Variants in TENM3 observed in about 807,000 individuals in gnomAD.
TENM3 encodes teneurin transmembrane protein 3, also known as teneurin-3.
TENM3 carries 63 observed loss-of-function variants against 255.1 expected under a neutral mutation model. That is an observed-to-expected ratio of 0.25 (90% confidence interval 0.20 to 0.30). The LOEUF is 0.30. Among genes scored for constraint, TENM3 ranks in the 10% least tolerant of loss-of-function variants. The probability of loss-of-function intolerance (pLI) is 1.00; values close to 1 mark genes in which losing one functional copy is unlikely to be tolerated. For synonymous variants in TENM3, 1,306 were observed against 1,322.3 expected (o/e 0.99, Z 0.27); for missense variants, 2,929 against 3,461.1 (o/e 0.85, Z 3.86).
the TENM3 span, among the ~76,000 whole-genome samples, chr4:182,036,008 C>A: frequency 1.3e-5 from 2 of 152,074 alleles, no homozygotes; most frequent in Non-Finnish European, 2.9e-5. Context: ...GCTCTCCCTT[C>A]CTTCTGGAAG....
At chr4:181,616,170 T>C in the TENM3 span, among the ~76,000 whole-genome samples, 4 of 151,166 alleles carry the variant, frequency 2.6e-5, no homozygotes, top group African/African-American at 4.9e-5. Context: ...TGTTAATTTG[T>C]ATTAAAATGA....
rs564002368 is a variant in TENM3, at chr4:182,790,970, TCCCAAAA to T, written c.5602-1299_5602-1293del. 4.3e-4 allele frequency among the ~76,000 whole-genome samples: 66 copies of T among 152,210 alleles called. No individual in the cohort carries two copies. The South Asian group carries it at 0.014, about 32-fold the overall frequency. On this transcript the variant is annotated intron_variant, in intron 25 of 27. Transcript: ENST00000511685. The stretch of plus-strand genomic sequence containing the variant: ...ACAGACAGATCTTTCTCATCGTCTC[TCCCAAAA>T]CCCATCAAATCCACCCAGACTATTT...
At chr4:181,845,483 G>A in the TENM3 span, among the ~76,000 whole-genome samples, 1 of 152,052 alleles carries the variant, frequency 6.6e-6, no homozygotes, top group Non-Finnish European at 1.5e-5. Flanking sequence ...GGATGGGGAA[G>A]GAAATATATA....
intron 3 of TENM3, among the ~76,000 whole-genome samples, chr4:182,567,744 A>G (rs904845229): frequency 1.4e-5 from 2 of 140,874 alleles, no homozygotes; most frequent in African/African-American, 5.3e-5. Flanking sequence ...ACCCTACTCT[A>G]TTTTTTTTTT....
chr4:182,485,103 G>T (rs1734573540), intron 3 of TENM3, among the ~76,000 whole-genome samples: 1 of 151,974 alleles, frequency 6.6e-6, no homozygotes, highest in Non-Finnish European at 1.5e-5. Flanking sequence ...TTCCTTGCAG[G>T]CACTGAAAAA....
At chr4:181,451,554 T>C in the TENM3 span, among the ~76,000 whole-genome samples, 3 of 151,952 alleles carry the variant, frequency 2.0e-5, no homozygotes, top group Admixed American at 1.3e-4. Flanking sequence ...TTTACACCAG[T>C]TGAGGAAGAA....
the TENM3 span, among the ~76,000 whole-genome samples, chr4:182,125,138 A>G: frequency 2.3e-5 from 2 of 87,056 alleles, no homozygotes; most frequent in Non-Finnish European, 4.9e-5. Context: ...CCCTGCTGGG[A>G]TGGTGAATCT....
intron 3 of TENM3, among the ~76,000 whole-genome samples, chr4:182,439,809 C>T (rs1433028073): frequency 6.6e-6 from 1 of 152,138 alleles, no homozygotes; most frequent in Non-Finnish European, 1.5e-5. Context: ...TAACCATCAC[C>T]CACACCATTC....
the TENM3 span, among the ~76,000 whole-genome samples, chr4:181,546,728 AAGAAG>A: frequency 9.4e-5 from 5 of 53,032 alleles, 1 homozygote; most frequent in African/African-American, 8.3e-5. Flanking sequence ...AAAAAAAAAA[AAGAAG>A]AAGAAGAAGA....
chr4:182,553,124 G>C lies in TENM3; in HGVS notation c.512-47800G>C, dbSNP rs771104867. 7.9e-5 allele frequency among the ~76,000 whole-genome samples: 12 copies of C among 151,984 alleles called. 1 individual carries two copies. Among genetic ancestry groups the C allele is most frequent in the Non-Finnish European group, 1.6e-4 (11 of 68,000 alleles). On this transcript the variant is annotated intron_variant, in intron 3 of 27. Transcript: ENST00000511685. ...TTTTTAGACAGGGTCTCACTGTGTTGCCCAGGCCGTGGTGCAAGGGCTATT... is the reference window on the plus strand; with the variant it reads ...TTTTTAGACAGGGTCTCACTGTGTTCCCCAGGCCGTGGTGCAAGGGCTATT...
the TENM3 span, among the ~76,000 whole-genome samples, chr4:181,605,602 AAAGAAAGAAAGAAAAG>A: frequency 2.4e-5 from 3 of 125,770 alleles, no homozygotes; most frequent in East Asian, 2.3e-4. Flanking sequence ...AGAAAGAAAG[AAAGAAAGAAAGAAAAG>A]AAAGAACAAG....
the TENM3 span, among the ~76,000 whole-genome samples, chr4:182,034,904 G>T: frequency 5.5e-3 from 833 of 152,118 alleles, 9 homozygotes; most frequent in African/African-American, 0.019. Context: ...GGATTCTCTG[G>T]ATTTCCTGAG....
chr4:181,535,136 G>A, the TENM3 span, among the ~76,000 whole-genome samples: 7 of 152,188 alleles, frequency 4.6e-5, no homozygotes, highest in South Asian at 2.1e-4. Context: ...TCACAGTCCC[G>A]GGATGTCCCC....
At chr4:181,617,832 A>G in the TENM3 span, among the ~76,000 whole-genome samples, 10,134 of 152,300 alleles carry the variant, frequency 0.067, 456 homozygotes, top group East Asian at 0.14. Context: ...AGTAAAGCCA[A>G]CACCACTATT....
the TENM3 span, among the ~76,000 whole-genome samples, chr4:181,490,775 A>T: frequency 2.6e-5 from 4 of 152,126 alleles, no homozygotes; most frequent in Non-Finnish European, 5.9e-5. Context: ...TTATTTTTTA[A>T]AATGAGAATC....
the TENM3 span, among the ~76,000 whole-genome samples, chr4:181,780,089 A>G: frequency 7.2e-5 from 11 of 152,330 alleles, no homozygotes; most frequent in African/African-American, 2.6e-4. Flanking sequence ...TAGTGCTGCA[A>G]TGAACATACA....
the TENM3 span, among the ~76,000 whole-genome samples, chr4:181,858,603 G>T: frequency 1.3e-5 from 2 of 152,206 alleles, no homozygotes; most frequent in African/African-American, 4.8e-5. Flanking sequence ...TGCGTTTGCA[G>T]AACAGGTAAT....
intron 1 of TENM3, among the ~76,000 whole-genome samples, chr4:182,210,527 G>A (rs1406848311): frequency 6.7e-6 from 1 of 150,262 alleles, no homozygotes; most frequent in East Asian, 1.9e-4. Flanking sequence ...TTATAATCAT[G>A]TCTCTTGGGG....
intron 5 of TENM3, among the ~76,000 whole-genome samples, chr4:182,636,940 G>A (rs1267964823): frequency 6.6e-6 from 1 of 152,062 alleles, no homozygotes; most frequent in Non-Finnish European, 1.5e-5. Context: ...GCAAAACGTA[G>A]CAACATCTCC....
Sources: gnomAD v4.1 joint callset for allele counts (sites outside exome capture counted in the v4.1 genomes callset) on GRCh38, gnomAD v4.1.1 for gene constraint, MANE v1.5 for transcripts, NCBI Gene and HGNC (gene_info 2026-07-23, HGNC 2026-07-21) for gene names.